The following UST variants were observed in gnomAD, a reference collection of about 807,000 sequenced individuals.
UST encodes chondroitin sulfate 2-O-sulfotransferase.
In UST, 21 loss-of-function variants were observed where a neutral mutation model predicts 45.6. The ratio of observed to expected loss-of-function variants is 0.46; its 90% CI spans 0.33 to 0.66. UST has a LOEUF of 0.66. UST is among the 30% of genes least tolerant of loss of function. The pLI, the probability that UST is intolerant of heterozygous loss-of-function variation, is 0.02. For missense variants in UST, 463 were observed against 512.4 expected (o/e 0.90, Z 0.93); for synonymous variants, 215 against 200.6 (o/e 1.07, Z -0.61).
intron 1 of UST, among the ~76,000 whole-genome samples, chr6:148,806,179 G>A (rs896912881): frequency 6.6e-6 from 1 of 151,738 alleles, no homozygotes; most frequent in Non-Finnish European, 1.5e-5. Flanking sequence ...TCTATTCAAA[G>A]TGAATTTTGA....
At position 148,748,881 on chromosome 6, in the gene UST, C is replaced by T. The variant is rs1775932840; in HGVS notation, c.247+1204C>T. Among the ~76,000 whole-genome samples, 1 of 149,394 alleles carries T rather than the reference C, an allele frequency of 6.7e-6. No individual in the cohort carries two copies. Among genetic ancestry groups the T allele is most frequent in the Non-Finnish European group, 1.5e-5 (1 of 67,604 alleles). The stretch of plus-strand genomic sequence containing the variant: ...AAACGTCACTTCGTGGCAGAAGCCA[C>T]AGGTCTAGATAGTAGACCGTTTGGA... On this transcript the variant is annotated intron_variant, in intron 1 of 7. Transcript: ENST00000367463. This position sits in a 1 kb window ranked among gnomAD's most constrained non-coding sequence, Gnocchi z 5.3.
chr6:148,819,438 C>T (rs75776863), intron 1 of UST, among the ~76,000 whole-genome samples: 3,638 of 152,236 alleles, frequency 0.024, 55 homozygotes, highest in Middle Eastern at 0.044. Flanking sequence ...AAAGTAATCA[C>T]GACTGTGACT....
chr6:148,910,692 A>G (rs1779454741), intron 2 of UST, among the ~76,000 whole-genome samples: 1 of 152,208 alleles, frequency 6.6e-6, no homozygotes, highest in South Asian at 2.1e-4. Flanking sequence ...GTATGTTTAT[A>G]AAAGGTATGA....
chr6:148,778,504 C>T (rs570252184), intron 1 of UST, among the ~76,000 whole-genome samples: 39 of 152,312 alleles, frequency 2.6e-4, no homozygotes, highest in African/African-American at 8.9e-4. Flanking sequence ...TACAACGGTG[C>T]CCTTCCTGAG....
At chr6:148,899,681 C>T (rs1779210545) in intron 2 of UST, among the ~76,000 whole-genome samples, 1 of 152,242 alleles carries the variant, frequency 6.6e-6, no homozygotes, top group African/African-American at 2.4e-5. Flanking sequence ...ATGCACGTAA[C>T]ACACAGAGTT....
At chr6:148,821,789 C>A (rs960490333) in intron 1 of UST, among the ~76,000 whole-genome samples, 2 of 152,100 alleles carry the variant, frequency 1.3e-5, no homozygotes, top group African/African-American at 2.4e-5. Flanking sequence ...AAGTTTTTCT[C>A]CCCCGTTTAC....
chr6:149,010,019 A>T (rs2500541), intron 5 of UST, among the ~76,000 whole-genome samples: 34,757 of 144,806 alleles, frequency 0.24, 4,097 homozygotes, highest in South Asian at 0.33. Flanking sequence ...AAGTTTTTTT[A>T]AAAAAAAAAC....
At chr6:149,040,996 G>A (rs1776305514) in intron 7 of UST, among the ~76,000 whole-genome samples, 2 of 152,108 alleles carry the variant, frequency 1.3e-5, no homozygotes, top group South Asian at 4.1e-4. Flanking sequence ...TAAGACCCTG[G>A]GTGGACCTCT....
At chr6:148,889,713 G>A (rs1171168502) in intron 2 of UST, among the ~76,000 whole-genome samples, 1 of 151,984 alleles carries the variant, frequency 6.6e-6, no homozygotes, top group Non-Finnish European at 1.5e-5. Flanking sequence ...CTTTTTCCTT[G>A]GTGGCCAGCC....
intron 5 of UST, among the ~76,000 whole-genome samples, chr6:149,008,594 G>A (rs1274612301): frequency 6.6e-6 from 1 of 152,184 alleles, no homozygotes; most frequent in Non-Finnish European, 1.5e-5. Context: ...GTTGGGCCAG[G>A]AAGCCACAGT....
rs897057049 is a variant in UST, at chr6:149,047,656, T to A, written c.937+26175T>A. The stretch of plus-strand genomic sequence containing the variant: ...TCTACTTGAAATGTGAGCACCAAAC[T>A]TTACTTTGGGAACAACAACAACCAA... On this transcript the variant is annotated intron_variant, in intron 7 of 7. Transcript: ENST00000367463. Among the ~76,000 whole-genome samples the A allele has an allele frequency of 5.9e-5, 9 of 152,204 alleles. 1 individual carries two copies. The highest frequency in any genetic ancestry group is 5.9e-4 in the Admixed American group (9 of 15,282).
intron 1 of UST, among the ~76,000 whole-genome samples, chr6:148,846,388 A>G (rs1777990288): frequency 6.6e-6 from 1 of 151,980 alleles, no homozygotes; most frequent in South Asian, 2.1e-4. Flanking sequence ...ATAGGTGGGA[A>G]TTGAACAATG....
intron 1 of UST, among the ~76,000 whole-genome samples, chr6:148,857,064 TGTA>T (rs1435456368): frequency 7.3e-5 from 11 of 151,658 alleles, no homozygotes; most frequent in African/African-American, 2.4e-4. Flanking sequence ...TGAATGTAGG[TGTA>T]GTAGTATGTC....
chr6:148,860,472 T>C (rs1207131443), intron 1 of UST, among the ~76,000 whole-genome samples: 3 of 152,236 alleles, frequency 2.0e-5, no homozygotes, highest in African/African-American at 7.2e-5. Flanking sequence ...CTTTTCCTAA[T>C]TGAATACCCT....
At chr6:148,852,810 G>A (rs1351282130) in intron 1 of UST, among the ~76,000 whole-genome samples, 1 of 152,102 alleles carries the variant, frequency 6.6e-6, no homozygotes, top group African/African-American at 2.4e-5. Flanking sequence ...GCTGCCCACT[G>A]CTTTCCTATC....
intron 7 of UST, among the ~76,000 whole-genome samples, chr6:149,043,867 A>G (rs1776361710): frequency 6.6e-6 from 1 of 152,272 alleles, no homozygotes; most frequent in Non-Finnish European, 1.5e-5. Context: ...GGCATCAGCC[A>G]TGGAAGATTA....
intron 7 of UST, among the ~76,000 whole-genome samples, chr6:149,070,093 T>C (rs959095741): frequency 1.3e-5 from 2 of 152,132 alleles, no homozygotes; most frequent in Non-Finnish European, 2.9e-5. Flanking sequence ...GTAATGAATT[T>C]ATTTTAAATC....
chr6:148,799,372 A>T (rs771263671), intron 1 of UST, among the ~76,000 whole-genome samples: 11 of 152,154 alleles, frequency 7.2e-5, no homozygotes, highest in Admixed American at 3.3e-4. Context: ...GGCCAAGGCA[A>T]CTGTGTGCTT....
chr6:148,815,429 G>A (rs1400870225), intron 1 of UST, among the ~76,000 whole-genome samples: 1 of 152,144 alleles, frequency 6.6e-6, no homozygotes, highest in Non-Finnish European at 1.5e-5. Flanking sequence ...GAAGCTTGGG[G>A]TGGAGGTGAC....
Sources: allele counts gnomAD v4.1 joint callset (sites outside exome capture counted in the v4.1 genomes callset), GRCh38; gene constraint gnomAD v4.1.1; non-coding constraint Gnocchi (gnomAD v3.1); transcripts MANE v1.5; gene names NCBI Gene and HGNC (gene_info 2026-07-23, HGNC 2026-07-21).